Variants in MPPED2 observed in about 807,000 individuals in gnomAD.
MPPED2 encodes metallophosphoesterase MPPED2.
Under a neutral mutation model 33.0 loss-of-function variants are expected in MPPED2, and 5 were observed. That is an observed-to-expected ratio of 0.15 (90% CI 0.08 to 0.32). MPPED2 has a LOEUF of 0.32. Ranked by LOEUF, MPPED2 falls within the 10% of genes least tolerant of loss-of-function variation. The pLI is 1.00. For synonymous variants in MPPED2, 136 were observed against 141.9 expected (o/e 0.96, Z 0.29); for missense variants, 275 against 372.1 (o/e 0.74, Z 2.15).
At chr11:30,489,823 G>A (rs1258277202) in intron 4 of MPPED2, among the ~76,000 whole-genome samples, 2 of 152,120 alleles carry the variant, frequency 1.3e-5, no homozygotes, top group Non-Finnish European at 2.9e-5. Flanking sequence ...GCAGGCTTTC[G>A]CTGAACAATA....
exon 7 of MPPED2, chr11:30,387,773 C>G (rs948693857): frequency 2.6e-5 from 4 of 152,650 alleles, no homozygotes; most frequent in Middle Eastern, 3.4e-3. Context: ...CATGGTCCCC[C>G]CCTCTCTCCA....
At chr11:30,516,515 G>C (rs1272515071) in intron 3 of MPPED2, among the ~76,000 whole-genome samples, 1 of 152,194 alleles carries the variant, frequency 6.6e-6, no homozygotes, top group Non-Finnish European at 1.5e-5. Flanking sequence ...CTGGTAGCAA[G>C]AAGCAGGAGG....
chr11:30,387,527 G>C (rs1389422993), exon 7 of MPPED2: 2 of 152,344 alleles, frequency 1.3e-5, no homozygotes, highest in African/African-American at 4.8e-5. Flanking sequence ...CACGGGGTTG[G>C]AGAGACACCA....
At chr11:30,412,944 T>C (rs1258492910) in intron 6 of MPPED2, among the ~76,000 whole-genome samples, 3 of 152,222 alleles carry the variant, frequency 2.0e-5, no homozygotes, top group Non-Finnish European at 2.9e-5. Context: ...AGTTTAGATA[T>C]GAGGTCCCAC....
chr11:30,580,501 G>GAAA lies in MPPED2; in HGVS notation c.-121-10_-121-8dup. 1 of 1,292,468 alleles carries GAAA rather than the reference G, an allele frequency of 7.7e-7. No homozygotes were observed. The highest frequency in any genetic ancestry group is 2.2e-5 in the South Asian group (1 of 45,652). 80.1% of individuals were successfully genotyped at this position (1,292,468 alleles called of 1,614,324 possible). A position where few individuals can be genotyped will look rare whatever the true frequency, so the allele number is the denominator to read the frequency against. Reference sequence around the variant, plus strand: ...TCAATACCGCTGTGCATTTCTGAAAGAAAAAAAAAATGTATATAAAATGAG... The same window carrying GAAA: ...TCAATACCGCTGTGCATTTCTGAAAGAAAAAAAAAAAAATGTATATAAAATGAG... On this transcript the variant is annotated splice_polypyrimidine_tract_variant and splice_region_variant and intron_variant, in intron 1 of 6. Coordinates refer to ENST00000358117, the MANE Select transcript of MPPED2 (RefSeq NM_001584.3).
intron 4 of MPPED2, among the ~76,000 whole-genome samples, chr11:30,462,870 G>A (rs1015926836): frequency 6.6e-6 from 1 of 152,200 alleles, no homozygotes; most frequent in African/African-American, 2.4e-5. Flanking sequence ...AGTTTAACAA[G>A]ATGTTTTAAA....
At chr11:30,497,185 G>A (rs1385764713) in intron 3 of MPPED2, among the ~76,000 whole-genome samples, 1 of 152,186 alleles carries the variant, frequency 6.6e-6, no homozygotes, top group Non-Finnish European at 1.5e-5. Context: ...GTAATTAAGA[G>A]TATGATGTAC....
intron 3 of MPPED2, among the ~76,000 whole-genome samples, chr11:30,500,285 C>T (rs951959567): frequency 2.6e-5 from 4 of 152,182 alleles, no homozygotes; most frequent in Admixed American, 2.0e-4. Flanking sequence ...CTCCTCCTCC[C>T]TCTCTGATAT....
chr11:30,523,676 G>A (rs1954002471), intron 3 of MPPED2, among the ~76,000 whole-genome samples: 1 of 137,304 alleles, frequency 7.3e-6, no homozygotes, highest in African/African-American at 2.8e-5. Context: ...TGCCCAGACT[G>A]GAGTGCAGTG....
intron 2 of MPPED2, among the ~76,000 whole-genome samples, chr11:30,561,097 T>C (rs1956220356): frequency 6.6e-6 from 1 of 152,148 alleles, no homozygotes; most frequent in Non-Finnish European, 1.5e-5. Context: ...TCTGCAAGCA[T>C]TTTCATCTAT....
intron 6 of MPPED2, among the ~76,000 whole-genome samples, chr11:30,393,416 C>T (rs1211389898): frequency 6.6e-6 from 1 of 152,130 alleles, no homozygotes; most frequent in African/African-American, 2.4e-5. Flanking sequence ...TCCATCTTGG[C>T]CTTGGGTAAG....
At chr11:30,541,574 T>C (rs1955118796) in intron 2 of MPPED2, among the ~76,000 whole-genome samples, 1 of 152,226 alleles carries the variant, frequency 6.6e-6, no homozygotes, top group Admixed American at 6.5e-5. Flanking sequence ...ATCCTCAGGC[T>C]GTGCTTATGG....
At chr11:30,556,086 T>C (rs1195860531) in intron 2 of MPPED2, among the ~76,000 whole-genome samples, 1 of 152,200 alleles carries the variant, frequency 6.6e-6, no homozygotes, top group African/African-American at 2.4e-5. Context: ...AGGTTTCCAT[T>C]TGCCACTCTC....
downstream of MPPED2, among the ~76,000 whole-genome samples, chr11:30,407,777 A>G (rs1948013181): frequency 6.6e-6 from 1 of 152,192 alleles, no homozygotes; most frequent in Non-Finnish European, 1.5e-5. Flanking sequence ...AGGCTAAGGC[A>G]GGAGAATTGC....
chr11:30,423,794 G>A lies in MPPED2; in HGVS notation c.537-6161C>T, dbSNP rs955675952. Reference sequence around the variant, plus strand: ...GATATATATTAACACATACATGTATGTGTGTGTACATATATACATACACAG... The same window carrying A: ...GATATATATTAACACATACATGTATATGTGTGTACATATATACATACACAG... On this transcript the variant is annotated intron_variant, in intron 4 of 6. Coordinates refer to ENST00000358117, the MANE Select transcript of MPPED2 (RefSeq NM_001584.3). Among the ~76,000 whole-genome samples, 7 of 152,168 alleles carry A rather than the reference G, an allele frequency of 4.6e-5. No individual in the cohort carries two copies. The East Asian group carries it at 1.3e-3, about 29-fold the overall frequency.
intron 4 of MPPED2, among the ~76,000 whole-genome samples, chr11:30,488,480 G>A (rs919529380): frequency 6.6e-6 from 1 of 152,204 alleles, no homozygotes; most frequent in African/African-American, 2.4e-5. Flanking sequence ...GGCTTTGAAG[G>A]CTGAATTGGA....
intron 1 of MPPED2, among the ~76,000 whole-genome samples, chr11:30,585,214 GCA>G (rs1957403452): frequency 6.6e-6 from 1 of 152,112 alleles, no homozygotes; most frequent in Non-Finnish European, 1.5e-5. Context: ...AAATCCGGCG[GCA>G]ACGGTTACTT....
At chr11:30,438,134 C>A (rs1239571396) in intron 4 of MPPED2, among the ~76,000 whole-genome samples, 2 of 152,046 alleles carry the variant, frequency 1.3e-5, no homozygotes, top group Non-Finnish European at 2.9e-5. Flanking sequence ...ATTAAATGAA[C>A]AAAGTATATT....
At chr11:30,514,416 C>T (rs1338347305) in intron 3 of MPPED2, among the ~76,000 whole-genome samples, 1 of 152,146 alleles carries the variant, frequency 6.6e-6, no homozygotes, top group Non-Finnish European at 1.5e-5. Context: ...GGGACAAAGC[C>T]ACCATGTAAG....
Sources: allele counts gnomAD v4.1 joint callset (sites outside exome capture counted in the v4.1 genomes callset), GRCh38; gene constraint gnomAD v4.1.1; transcripts MANE v1.5; gene names NCBI Gene and HGNC (gene_info 2026-07-23, HGNC 2026-07-21).